SYNE1: variants seen among roughly 807,000 people sequenced by gnomAD.
The protein encoded by SYNE1 is nesprin-1.
SYNE1 carries 616 observed loss-of-function variants against 1,111.0 expected under a neutral mutation model. That is an observed-to-expected ratio of 0.55 (90% CI 0.52 to 0.59). The LOEUF (loss-of-function observed/expected upper bound fraction) is 0.59. SYNE1 is among the 20% of genes least tolerant of loss of function. SYNE1 has a pLI of 0.00. For missense variants in SYNE1, 10,006 were observed against 10,417.0 expected, an observed-to-expected ratio of 0.96 and a Z score of 1.72; for synonymous variants, 3,855 against 3,825.8, an observed-to-expected ratio of 1.01 and a Z score of -0.28.
intron 3 of SYNE1, among the ~76,000 whole-genome samples, chr6:152,620,430 A>G (rs1193352720): frequency 1.3e-5 from 2 of 152,186 alleles, no homozygotes; most frequent in Non-Finnish European, 2.9e-5. Context: ...ATTGATCTCT[A>G]CAGTTACATA....
Position 152,442,067 on chromosome 6 carries a change from G to C in SYNE1, c.4008+8C>G. On this transcript the variant is annotated splice_region_variant and intron_variant, in intron 31 of 145. Transcript: ENST00000367255. ...CTGTTTAAATGGCCCCTAACTTCCGGCTCCTACCTGGATGCGGCGTTCCTG... is the reference window on the plus strand; with the variant it reads ...CTGTTTAAATGGCCCCTAACTTCCGCCTCCTACCTGGATGCGGCGTTCCTG... 6.2e-7 allele frequency: 1 copy of C among 1,613,974 alleles called. No homozygotes were observed. The highest frequency in any genetic ancestry group is 8.5e-7 in the Non-Finnish European group (1 of 1,180,032).
Position 152,484,038 on chromosome 6 carries a change from C to CAAAAAAAAAAAAAAAA in SYNE1, c.1185+781_1186-790dup, listed in dbSNP as rs773019397. Among the ~76,000 whole-genome samples the CAAAAAAAAAAAAAAAA allele has an allele frequency of 2.3e-3, 122 of 53,494 alleles. 6 individuals carry two copies. The highest frequency in any genetic ancestry group is 4.2e-3 in the Non-Finnish European group (104 of 24,674). The allele number at this position is 53,494 out of a possible 152,430, so 35.1% of individuals were successfully genotyped here. ...GCAATATAGTGAGATCTCATCTCTA[C>CAAAAAAAAAAAAAAAA]AAAAAAAAAAAAAAAAAAAAAAAAT... is the stretch of plus-strand genomic sequence containing the variant. On this transcript the variant is annotated intron_variant, in intron 13 of 145. Transcript: ENST00000367255.
chr6:152,608,801 G>A (rs1458759450), intron 3 of SYNE1, among the ~76,000 whole-genome samples: 2 of 152,126 alleles, frequency 1.3e-5, no homozygotes, highest in East Asian at 1.9e-4. Context: ...GGGTGTGATG[G>A]CACACACCTG....
chr6:152,355,349 T>C (rs1361372004), intron 66 of SYNE1, among the ~76,000 whole-genome samples: 3 of 152,226 alleles, frequency 2.0e-5, no homozygotes, highest in Admixed American at 6.5e-5. Context: ...AGCTTCTTGC[T>C]TTGACATTGA....
Position 152,451,125 on chromosome 6 carries a change from T to C in SYNE1, c.3108A>G (p.Glu1036=), listed in dbSNP as rs749789384. The C allele has an allele frequency of 6.2e-7, 1 of 1,614,166 alleles. No individual in the cohort carries two copies. Among genetic ancestry groups the C allele is most frequent in the Non-Finnish European group, 8.5e-7 (1 of 1,180,006 alleles). The part of the protein sequence containing the change: ...VEKNRFLASV[E]ECRTELDRET... The stretch of plus-strand genomic sequence containing the variant: ...CTCGATCCAGCTCAGTTCTGCATTC[T>C]TCTACAGAGGCTAAGAACCTATTCT... The change falls in exon 26 of 146, where the codon GAA becomes GAG. Residue 1036 remains glutamate (E), a synonymous_variant. Transcript: ENST00000367255.
At chr6:152,361,730 C>A (rs2096934065) in intron 64 of SYNE1, among the ~76,000 whole-genome samples, 1 of 151,406 alleles carries the variant, frequency 6.6e-6, no homozygotes, top group African/African-American at 2.4e-5. Context: ...ATACTACTGC[C>A]AATAAGTTTT....
At chr6:152,464,745 C>G (rs1303966151) in intron 18 of SYNE1, 2 of 166,044 alleles carry the variant, frequency 1.2e-5, no homozygotes, top group Admixed American at 5.6e-5. Flanking sequence ...GTAACTCTCA[C>G]AGGCACACAC....
chr6:152,213,664 A>G lies in SYNE1; in HGVS notation c.22442T>C (p.Val7481Ala), dbSNP rs1563561194. 1.2e-6 allele frequency: 2 copies of G among 1,614,096 alleles called. No homozygotes were observed. The highest frequency in any genetic ancestry group is 1.7e-6 in the Non-Finnish European group (2 of 1,179,994). ...GTGCTGATAATTTCCTGAAATCTCT[A>G]CTGCTAACTTTTGTTCTGTCTGAAC... ...FLVQTEQKLA[V>A]EISGNYQHLL... The change falls in exon 123 of 146, where the codon GTA (valine) becomes GCA (alanine). Residue 7481 changes from valine to alanine, a missense_variant. By Grantham distance (64) the Val-to-Ala change is moderately conservative. Coordinates refer to ENST00000367255, the MANE Select transcript of SYNE1 (RefSeq NM_182961.4).
At chr6:152,176,882 A>T (rs1201775937) in intron 129 of SYNE1, among the ~76,000 whole-genome samples, 4 of 152,240 alleles carry the variant, frequency 2.6e-5, no homozygotes, top group East Asian at 3.9e-4. Flanking sequence ...AATATTGGAA[A>T]ATTATAGTTT....
chr6:152,505,123 G>T, intron 9 of SYNE1, 78 bp downstream of exon 9: 1 of 1,499,468 alleles, frequency 6.7e-7, no homozygotes, highest in Non-Finnish European at 9.3e-7. Flanking sequence ...AATCTTGGAA[G>T]TCATGTGTAT....
intron 3 of SYNE1, among the ~76,000 whole-genome samples, chr6:152,624,009 AT>A (rs2099681105): frequency 6.6e-6 from 1 of 152,166 alleles, no homozygotes; most frequent in Non-Finnish European, 1.5e-5. Flanking sequence ...TTTATTACTC[AT>A]AAAAAATTTT....
intron 59 of SYNE1, 65 bp from the exon 60 acceptor site, chr6:152,369,679 C>T: frequency 1.3e-6 from 2 of 1,591,320 alleles, no homozygotes; most frequent in Middle Eastern, 1.7e-4. Context: ...AGGTCCTTCA[C>T]TTGGCATTCA....
chr6:152,396,980 T>G lies in SYNE1; in HGVS notation c.7351A>C (p.Asn2451His), dbSNP rs760486289. 2.5e-6 allele frequency: 4 copies of G among 1,614,156 alleles called. No individual in the cohort carries two copies. The East Asian group carries it at 8.9e-5, about 36-fold the overall frequency. Reference sequence around the variant, plus strand: ...CCATCACTGACTGAGTCCAAAATGTTCTGTTTCAGGAAATAAAGGTAATAG... The same window carrying G: ...CCATCACTGACTGAGTCCAAAATGTGCTGTTTCAGGAAATAAAGGTAATAG... Reference protein sequence around the residue: ...VLEAKLHDLQNILDSVSDGQS... With the variant: ...VLEAKLHDLQHILDSVSDGQS... Residue 2451 changes from asparagine (N) to histidine (H), a missense_variant and splice_region_variant, in exon 50 of 146, where the codon AAC becomes CAC. Coordinates refer to ENST00000367255, the MANE Select transcript of SYNE1 (RefSeq NM_182961.4).
At chr6:152,141,935 G>C (rs2058624519) in intron 138 of SYNE1, among the ~76,000 whole-genome samples, 1 of 152,056 alleles carries the variant, frequency 6.6e-6, no homozygotes, top group South Asian at 2.1e-4. Context: ...GCCAGGCGTG[G>C]TGGTGAGCAC....
intron 91 of SYNE1, chr6:152,302,290 G>A: frequency 3.2e-6 from 2 of 619,596 alleles, no homozygotes; most frequent in Admixed American, 2.6e-5. Flanking sequence ...GCGTCCCCGC[G>A]TCGGTACAAA....
At chr6:152,231,646 C>A (rs901468197) in intron 113 of SYNE1, 79 bp from the exon 114 acceptor site, 64 of 1,417,992 alleles carry the variant, frequency 4.5e-5, no homozygotes, top group Admixed American at 9.8e-5. Context: ...CCTTAAGTAA[C>A]CTTAATATTA....
At chr6:152,313,691 T>A (rs1240899526) in intron 87 of SYNE1, among the ~76,000 whole-genome samples, 1 of 152,136 alleles carries the variant, frequency 6.6e-6, no homozygotes, top group Non-Finnish European at 1.5e-5. Context: ...CTCGAACTCT[T>A]GACCTCAAGT....
In SYNE1 at chr6:152,220,906, A is replaced by G. The variant is rs765747041; in HGVS notation, c.21797T>C (p.Leu7266Ser). 3.1e-6 allele frequency: 5 copies of G among 1,614,044 alleles called. No individual in the cohort carries two copies. In the African/African-American group the frequency reaches 4.0e-5, roughly 13 times the overall value. The part of the protein sequence containing the change: ...QQQEDRTNEL[L>S]KAATNKDIAD... ...AATGTCCTTGTTTGTGGCTGCCTTC[A>G]ACAGCTCATTGGTTCGATCCTCCTG... The change falls in exon 119 of 146, where the codon TTG becomes TCG. Residue 7266 changes from leucine to serine, a missense_variant. Physicochemically the swap from Leu to Ser is moderately radical, Grantham distance 145. Coordinates refer to ENST00000367255, the MANE Select transcript of SYNE1 (RefSeq NM_182961.4).
At chr6:152,165,785 T>A (rs1454124241) in intron 130 of SYNE1, among the ~76,000 whole-genome samples, 1 of 152,222 alleles carries the variant, frequency 6.6e-6, no homozygotes, top group Non-Finnish European at 1.5e-5. Flanking sequence ...CACATTTCTC[T>A]CATGGCTAAG....
Sources: allele counts gnomAD v4.1 joint callset (sites outside exome capture counted in the v4.1 genomes callset), GRCh38; gene constraint gnomAD v4.1.1; transcripts MANE v1.5; gene names NCBI Gene and HGNC (gene_info 2026-07-23, HGNC 2026-07-21).